Variants in ZNF334 observed in about 807,000 individuals in gnomAD.
ZNF334 encodes zinc finger protein 334.
Under a neutral mutation model 12.4 loss-of-function variants are expected in ZNF334, and 14 were observed. The ratio of observed to expected loss-of-function variants is 1.13; its 90% CI spans 0.74 to 1.76. The LOEUF (loss-of-function observed/expected upper bound fraction) is 1.76. ZNF334 is among the 40% of genes most tolerant of loss of function. The pLI, the probability that ZNF334 is intolerant of heterozygous loss-of-function variation, is 0.00. For missense variants in ZNF334, 797 were observed against 804.5 expected (o/e 0.99, Z 0.11); for synonymous variants, 273 against 269.6 (o/e 1.01, Z -0.12).
the ZNF334 span, among the ~76,000 whole-genome samples, chr20:46,493,798 C>T: frequency 6.6e-6 from 1 of 152,140 alleles, no homozygotes; most frequent in African/African-American, 2.4e-5. Context: ...GGTATGGTGG[C>T]GTGCGCCTTT....
At chr20:46,468,575 C>A in the ZNF334 span, among the ~76,000 whole-genome samples, 3 of 152,028 alleles carry the variant, frequency 2.0e-5, no homozygotes, top group African/African-American at 4.8e-5. Flanking sequence ...GTGAGCTACA[C>A]CCCCGGGCCT....
At position 46,501,735 on chromosome 20, in the gene ZNF334, T is replaced by C. The variant is rs868482938; in HGVS notation, c.1604A>G (p.His535Arg). The change falls in exon 5 of 5, where the codon CAT (histidine) becomes CGT (arginine). Residue 535 changes from histidine to arginine, a missense_variant. Transcript: ENST00000692313. The stretch of plus-strand genomic sequence containing the variant: ...TGGTCTCTCCCATATAGTTCTCTGA[T>C]GTACAATGAGGTGTGAGTTTTTGCT... The part of the protein sequence containing the change: ...AVSKNSHLIV[H>R]QRTIWERPYE... 1.9e-6 allele frequency: 3 copies of C among 1,614,194 alleles called. No homozygotes were observed. The highest frequency in any genetic ancestry group is 2.5e-6 in the Non-Finnish European group (3 of 1,180,028).
the ZNF334 span, among the ~76,000 whole-genome samples, chr20:46,482,718 A>G: frequency 1.3e-5 from 2 of 152,172 alleles, no homozygotes; most frequent in African/African-American, 2.4e-5. Flanking sequence ...CCACTTTCCC[A>G]TGGCCCATCA....
chr20:46,475,223 T>G, the ZNF334 span, among the ~76,000 whole-genome samples: 2 of 152,132 alleles, frequency 1.3e-5, no homozygotes. Flanking sequence ...AAACTAACCT[T>G]TTCAGCAAAT....
the ZNF334 span, among the ~76,000 whole-genome samples, chr20:46,473,888 A>T: frequency 6.6e-6 from 1 of 152,188 alleles, no homozygotes; most frequent in South Asian, 2.1e-4. Context: ...CCAAAGTGAG[A>T]TTGTACGTGA....
chr20:46,487,887 G>A, the ZNF334 span, among the ~76,000 whole-genome samples: 2 of 152,102 alleles, frequency 1.3e-5, no homozygotes, highest in Admixed American at 6.5e-5. Context: ...TATACCACTG[G>A]GTCTCAATGG....
At chr20:46,486,751 T>C in the ZNF334 span, among the ~76,000 whole-genome samples, 1 of 152,192 alleles carries the variant, frequency 6.6e-6, no homozygotes, top group Non-Finnish European at 1.5e-5. Context: ...TTTCTGGACA[T>C]CTGTGAATTT....
At chr20:46,468,739 C>T in the ZNF334 span, among the ~76,000 whole-genome samples, 1 of 152,124 alleles carries the variant, frequency 6.6e-6, no homozygotes, top group Non-Finnish European at 1.5e-5. Flanking sequence ...ATGGCACTCA[C>T]GGGTGGGCAT....
At chr20:46,464,763 A>G in the ZNF334 span, 2 of 514,816 alleles carry the variant, frequency 3.9e-6, no homozygotes, top group Non-Finnish European at 7.9e-6. Context: ...TGTACGCTGC[A>G]GTAGAGTTGC....
chr20:46,470,746 C>T, the ZNF334 span, among the ~76,000 whole-genome samples: 1 of 152,136 alleles, frequency 6.6e-6, no homozygotes, highest in Non-Finnish European at 1.5e-5. Context: ...TTATAAGTTC[C>T]CTTGTGTCTA....
At chr20:46,503,120 C>T (rs6017883) in intron 4 of ZNF334, 23 bp from the exon 5 acceptor site, 174,494 of 1,564,476 alleles carry the variant, frequency 0.11, 17,342 homozygotes, top group East Asian at 0.62. Flanking sequence ...ACACAATTAA[C>T]GGTAATTGGT....
Position 46,499,700 on chromosome 20 carries a change from C to A in ZNF334, c.*1596G>T, listed in dbSNP as rs2061088770. The stretch of plus-strand genomic sequence containing the variant: ...GGTAACTTAATTTCTTTCACAATAG[C>A]AACCAAATCTTTGAAGTGACTATTA... On this transcript the variant is annotated 3_prime_UTR_variant, in exon 5 of 5. Transcript: ENST00000692313. 6.6e-6 allele frequency: 1 copy of A among 152,146 alleles called. No individual in the cohort carries two copies. 9.4% of individuals were successfully genotyped at this position (152,146 alleles called of 1,614,324 possible).
intron 2 of ZNF334, 125 bp from the exon 3 acceptor site, chr20:46,504,865 G>A (rs1468951895): frequency 1.3e-6 from 1 of 780,326 alleles, no homozygotes; most frequent in Non-Finnish European, 1.9e-6. Context: ...ATTGTGGGAG[G>A]GCAGAAAATT....
chr20:46,496,070 G>T (rs1000647047), downstream of ZNF334, among the ~76,000 whole-genome samples: 5 of 152,182 alleles, frequency 3.3e-5, no homozygotes, highest in Admixed American at 3.3e-4. Context: ...AAGTCTCAAA[G>T]TTGAGTAAGG....
At chr20:46,512,187 C>A (rs192631319) in intron 1 of ZNF334, 47 bp from the exon 2 acceptor site, 94 of 1,427,262 alleles carry the variant, frequency 6.6e-5, no homozygotes, top group Non-Finnish European at 8.4e-5. Flanking sequence ...ATTTGGCTCA[C>A]ACAGCAGCTC....
intron 2 of ZNF334, chr20:46,509,531 G>A: frequency 1.4e-6 from 1 of 702,764 alleles, no homozygotes; most frequent in Non-Finnish European, 2.6e-6. Flanking sequence ...GACATCTCTG[G>A]GAGGACCACC....
At chr20:46,463,475 A>G in the ZNF334 span, among the ~76,000 whole-genome samples, 1 of 152,196 alleles carries the variant, frequency 6.6e-6, no homozygotes, top group South Asian at 2.1e-4. Context: ...GTTGGAGCAG[A>G]AGGCTCTTTA....
In ZNF334 at chr20:46,504,321, T is replaced by C. The variant is rs2061356286; in HGVS notation, c.149-15A>G. 4 of 1,608,106 alleles carry C rather than the reference T, an allele frequency of 2.5e-6. No homozygotes were observed. Among genetic ancestry groups the C allele is most frequent in the Non-Finnish European group, 2.6e-6 (3 of 1,175,142 alleles). On this transcript the variant is annotated splice_polypyrimidine_tract_variant and intron_variant, in intron 3 of 4. Coordinates refer to ENST00000692313, the MANE Select transcript of ZNF334 (RefSeq NM_001353824.2). Reference sequence around the variant, plus strand: ...AACATGATACCCTGTTAATGGGAAATTACAGAACTTGGACCAAGATCTTTG... The same window carrying C: ...AACATGATACCCTGTTAATGGGAAACTACAGAACTTGGACCAAGATCTTTG...
At chr20:46,508,732 A>T (rs2061531084) in intron 2 of ZNF334, among the ~76,000 whole-genome samples, 1 of 152,256 alleles carries the variant, frequency 6.6e-6, no homozygotes, top group South Asian at 2.1e-4. Context: ...ACACTGCAAC[A>T]TGCAGGACCT....
Sources: gnomAD v4.1 joint callset for allele counts (sites outside exome capture counted in the v4.1 genomes callset) on GRCh38, gnomAD v4.1.1 for gene constraint, MANE v1.5 for transcripts, NCBI Gene and HGNC (gene_info 2026-07-23, HGNC 2026-07-21) for gene names.